Variants in GALNT17 observed in about 807,000 individuals in gnomAD.
The protein encoded by GALNT17 is polypeptide N-acetylgalactosaminyltransferase 17, also known as UDP-GalNAc:polypeptide N-acetylgalactosaminyltransferase-like 3.
A neutral mutation model predicts 63.7 loss-of-function variants in GALNT17; 29 were observed. The ratio of observed to expected loss-of-function variants is 0.46; its 90% confidence interval spans 0.34 to 0.62. GALNT17 has a LOEUF of 0.62. Ranked by LOEUF, GALNT17 falls within the 20% of genes least tolerant of loss-of-function variation. GALNT17 has a pLI of 0.01. For synonymous variants in GALNT17, 305 were observed against 318.3 expected, an observed-to-expected ratio of 0.96 and a Z score of 0.45; for missense variants, 603 against 799.6, an observed-to-expected ratio of 0.75 and a Z score of 2.97.
At position 71,593,413 on chromosome 7, in the gene GALNT17, G is replaced by A. The variant is rs553147305; in HGVS notation, c.1080+22011G>A. Among the ~76,000 whole-genome samples, 18 of 151,866 alleles carry A rather than the reference G, an allele frequency of 1.2e-4. No homozygotes were observed. In the East Asian group the frequency reaches 2.1e-3, roughly 18 times the overall value. On this transcript the variant is annotated intron_variant, in intron 6 of 10. Transcript: ENST00000333538. ...CTCGAATAGCTGGGATTACAGGTGC[G>A]TGCCACGACACCCAGCTAATTTTTG... is the stretch of plus-strand genomic sequence containing the variant.
At chr7:71,230,486 C>A (rs1789768339) in intron 1 of GALNT17, among the ~76,000 whole-genome samples, 1 of 152,026 alleles carries the variant, frequency 6.6e-6, no homozygotes, top group Admixed American at 6.6e-5. Flanking sequence ...CCACGCACAC[C>A]CCCTCCCCTG....
chr7:71,512,730 T>TA (rs1788381741), intron 5 of GALNT17, among the ~76,000 whole-genome samples: 2 of 152,204 alleles, frequency 1.3e-5, no homozygotes, highest in African/African-American at 4.8e-5. Context: ...TGTGCCCAGG[T>TA]ACTGCCCTAG....
rs186973661 is a variant in GALNT17, at chr7:71,697,496, G to A, written c.1501-13265G>A. Among the ~76,000 whole-genome samples, 12 of 152,234 alleles carry A rather than the reference G, an allele frequency of 7.9e-5. No homozygotes were observed. In the South Asian group the frequency reaches 1.2e-3, roughly 16 times the overall value. On this transcript the variant is annotated intron_variant, in intron 9 of 10. Transcript: ENST00000333538. ...TCTAGAACTAGGGGACTCTGGGTGC[G>A]TAACAGGGAGCTAATTGTCTGTTGG...
At chr7:71,274,892 AT>A (rs1162852002) in intron 1 of GALNT17, among the ~76,000 whole-genome samples, 2 of 152,316 alleles carry the variant, frequency 1.3e-5, no homozygotes, top group African/African-American at 4.8e-5. Context: ...AAAAATAGTT[AT>A]CCTGCCAACA....
intron 2 of GALNT17, among the ~76,000 whole-genome samples, chr7:71,345,286 T>G (rs550882017): frequency 9.9e-5 from 15 of 152,262 alleles, no homozygotes; most frequent in African/African-American, 3.6e-4. Context: ...AAGCCACTGC[T>G]GAGATCCCCG....
intron 5 of GALNT17, among the ~76,000 whole-genome samples, chr7:71,437,473 T>A (rs1786986204): frequency 6.6e-6 from 1 of 152,246 alleles, no homozygotes; most frequent in South Asian, 2.1e-4. Flanking sequence ...CATGATCAAC[T>A]TTATCACTTT....
At chr7:71,699,384 G>GA (rs770886470) in intron 9 of GALNT17, among the ~76,000 whole-genome samples, 6 of 151,252 alleles carry the variant, frequency 4.0e-5, no homozygotes, top group Non-Finnish European at 8.8e-5. Context: ...TCTGAGGCAG[G>GA]AGAATCGCTT....
At chr7:71,564,278 CTTTTTTTT>C (rs10539122) in intron 5 of GALNT17, among the ~76,000 whole-genome samples, 15 of 98,012 alleles carry the variant, frequency 1.5e-4, no homozygotes, top group African/African-American at 2.7e-4. Context: ...CTTTTCTTTT[CTTTTTTTT>C]TTTTTTTTTT....
chr7:71,432,317 CA>C (rs949525787), intron 5 of GALNT17, among the ~76,000 whole-genome samples: 1 of 152,144 alleles, frequency 6.6e-6, no homozygotes, highest in Non-Finnish European at 1.5e-5. Flanking sequence ...CAAGTCCTGC[CA>C]ATCAGGAAGC....
intron 1 of GALNT17, among the ~76,000 whole-genome samples, chr7:71,259,590 A>G (rs1790345569): frequency 6.6e-6 from 1 of 151,846 alleles, no homozygotes; most frequent in South Asian, 2.1e-4. Flanking sequence ...CAATGGAAGT[A>G]CACACAGAAG....
At position 71,576,529 on chromosome 7, in the gene GALNT17, TTGTGTGTG is replaced by T. The variant is rs3048366; in HGVS notation, c.1080+5157_1080+5164del. ...TGCCAGCATCTGTTGTTTTTTAACT[TTGTGTGTG>T]TGTGTGTGTGTGTGTGTGTGTGTGT... On this transcript the variant is annotated intron_variant, in intron 6 of 10. Coordinates refer to ENST00000333538, the MANE Select transcript of GALNT17 (RefSeq NM_022479.3). 4.1e-3 allele frequency among the ~76,000 whole-genome samples: 580 copies of T among 142,902 alleles called. 6 individuals carry two copies. Among genetic ancestry groups the T allele is most frequent in the African/African-American group, 0.014 (521 of 38,444 alleles). The allele number at this position is 142,902 out of a possible 152,430, so 93.7% of individuals were successfully genotyped here.
intron 5 of GALNT17, among the ~76,000 whole-genome samples, chr7:71,430,555 A>T (rs1786843424): frequency 6.6e-6 from 1 of 152,210 alleles, no homozygotes; most frequent in South Asian, 2.1e-4. Context: ...TCCCTGCTGT[A>T]TGTTAGGTGG....
intron 6 of GALNT17, among the ~76,000 whole-genome samples, chr7:71,620,750 A>T (rs1042743314): frequency 1.3e-5 from 2 of 152,188 alleles, no homozygotes; most frequent in African/African-American, 4.8e-5. Flanking sequence ...AACCTTTTTG[A>T]CAGAAAAGGA....
chr7:71,163,341 G>T (rs982557607), intron 1 of GALNT17, among the ~76,000 whole-genome samples: 2 of 152,164 alleles, frequency 1.3e-5, no homozygotes, highest in South Asian at 4.1e-4. Flanking sequence ...TCTAGGTTTG[G>T]TTTACATGGG....
At chr7:71,229,240 G>C (rs549630721) in intron 1 of GALNT17, among the ~76,000 whole-genome samples, 32 of 152,344 alleles carry the variant, frequency 2.1e-4, no homozygotes, top group African/African-American at 7.7e-4. Flanking sequence ...TGCTGCTGCT[G>C]CCTCTGCATC....
chr7:71,142,779 A>G (rs1787939771), intron 1 of GALNT17, among the ~76,000 whole-genome samples: 1 of 151,916 alleles, frequency 6.6e-6, no homozygotes, highest in Non-Finnish European at 1.5e-5. Flanking sequence ...TTTCTCTACT[A>G]AAAATACAAA....
At chr7:71,492,349 G>A (rs910516748) in intron 5 of GALNT17, among the ~76,000 whole-genome samples, 2 of 152,176 alleles carry the variant, frequency 1.3e-5, no homozygotes, top group Non-Finnish European at 2.9e-5. Context: ...GTGTTCATGT[G>A]TTCATGCCCA....
intron 6 of GALNT17, among the ~76,000 whole-genome samples, chr7:71,580,211 GGATA>G (rs36015695): frequency 6.6e-6 from 1 of 151,388 alleles, no homozygotes; most frequent in African/African-American, 2.4e-5. Context: ...GATGATTGAT[GGATA>G]GATAGAGATG....
intron 9 of GALNT17, among the ~76,000 whole-genome samples, chr7:71,707,882 A>G (rs1791742140): frequency 6.6e-6 from 1 of 152,200 alleles, no homozygotes; most frequent in Non-Finnish European, 1.5e-5. Flanking sequence ...CACAGGGCCA[A>G]CCAACATTCA....
Sources: gnomAD v4.1 joint callset for allele counts (sites outside exome capture counted in the v4.1 genomes callset) on GRCh38, gnomAD v4.1.1 for gene constraint, MANE v1.5 for transcripts, NCBI Gene and HGNC (gene_info 2026-07-23, HGNC 2026-07-21) for gene names.